Variants in CLIC5 observed in about 807,000 individuals in gnomAD.
CLIC5 encodes the protein CLIC family member 5.
CLIC5 carries 20 observed loss-of-function variants against 24.7 expected under a neutral mutation model. The observed-to-expected ratio is 0.81, with a 90% CI of 0.57 to 1.18. The LOEUF (loss-of-function observed/expected upper bound fraction) is 1.18, where lower values mean the gene tolerates loss of function less well. Ranked by LOEUF, CLIC5 falls within the 50% of genes most tolerant of loss-of-function variation. The pLI, the probability that CLIC5 is intolerant of heterozygous loss-of-function variation, is 0.00. For synonymous variants in CLIC5, 159 were observed against 135.6 expected (o/e 1.17, Z -1.20); for missense variants, 341 against 326.1 (o/e 1.05, Z -0.35).
chr6:46,027,208 G>T (rs1767358623), intron 1 of CLIC5, among the ~76,000 whole-genome samples: 1 of 152,210 alleles, frequency 6.6e-6, no homozygotes, highest in Non-Finnish European at 1.5e-5. Flanking sequence ...TCTGGGTAGA[G>T]AATCACAGTG....
intron 1 of CLIC5, among the ~76,000 whole-genome samples, chr6:45,963,846 A>T (rs1285713366): frequency 6.6e-6 from 1 of 152,180 alleles, no homozygotes; most frequent in Non-Finnish European, 1.5e-5. Flanking sequence ...AGGTTTTCTT[A>T]TAAGTCAGAC....
chr6:46,058,763 A>T (rs1036524985), intron 1 of CLIC5, among the ~76,000 whole-genome samples: 3 of 152,296 alleles, frequency 2.0e-5, no homozygotes, highest in African/African-American at 7.2e-5. Context: ...ACGGTGGAAG[A>T]AAAAAATCCC....
intron 1 of CLIC5, among the ~76,000 whole-genome samples, chr6:46,066,655 C>T (rs1397284180): frequency 6.6e-6 from 1 of 152,102 alleles, no homozygotes; most frequent in Non-Finnish European, 1.5e-5. Context: ...CTGGAAAGTG[C>T]TTTCCTTGTG....
upstream of CLIC5, among the ~76,000 whole-genome samples, chr6:46,084,857 C>A (rs1184618104): frequency 9.9e-5 from 15 of 152,204 alleles, no homozygotes; most frequent in Admixed American, 9.8e-4. Flanking sequence ...TGGATAATAT[C>A]CTGCAGAGTG....
the CLIC5 span, among the ~76,000 whole-genome samples, chr6:46,094,351 C>G: frequency 1.3e-5 from 2 of 152,300 alleles, no homozygotes; most frequent in East Asian, 3.9e-4. Context: ...CCAGCACTAA[C>G]TCAAAAGCCC....
intron 1 of CLIC5, among the ~76,000 whole-genome samples, chr6:45,966,164 A>G (rs906304033): frequency 3.9e-5 from 6 of 152,236 alleles, no homozygotes; most frequent in African/African-American, 1.2e-4. Flanking sequence ...TAACAAATTG[A>G]AAGCTTATGA....
chr6:45,963,826 T>G (rs1165990929), intron 1 of CLIC5, among the ~76,000 whole-genome samples: 1 of 152,208 alleles, frequency 6.6e-6, no homozygotes, highest in African/African-American at 2.4e-5. Context: ...TGCCAGTTAC[T>G]AGATACTTGA....
intron 1 of CLIC5, among the ~76,000 whole-genome samples, chr6:46,062,660 C>G (rs945497196): frequency 6.6e-6 from 1 of 152,196 alleles, no homozygotes. Context: ...GCTTCATGCA[C>G]AGGGAGAGTC....
rs145771436 is a variant in CLIC5 at position 46,007,525 on chromosome 6, G to C, written c.63+7955C>G. 1.2e-4 allele frequency among the ~76,000 whole-genome samples: 19 copies of C among 152,270 alleles called. No individual in the cohort carries two copies. The East Asian group carries it at 3.3e-3, about 26-fold the overall frequency. ...TTTTGGCCCTTGTTTGGACTCACTT[G>C]GCCTCCTGATGGGACCACTGGGATA... On this transcript the variant is annotated intron_variant, in intron 1 of 5. Coordinates refer to ENST00000339561, the MANE Select transcript of CLIC5 (RefSeq NM_016929.5).
chr6:45,974,138 C>A (rs56287981), intron 1 of CLIC5, among the ~76,000 whole-genome samples: 93 of 151,826 alleles, frequency 6.1e-4, no homozygotes, highest in Non-Finnish European at 9.4e-4. Flanking sequence ...TCGTATTGTA[C>A]GTGTGAGAGA....
chr6:45,958,649 A>C (rs1453389712), intron 1 of CLIC5, among the ~76,000 whole-genome samples: 2 of 151,606 alleles, frequency 1.3e-5, no homozygotes, highest in Non-Finnish European at 2.9e-5. Context: ...AGCATAATGT[A>C]ATTATATAGG....
chr6:45,943,864 T>C (rs1036746955), intron 3 of CLIC5, among the ~76,000 whole-genome samples: 2 of 152,230 alleles, frequency 1.3e-5, no homozygotes, highest in Admixed American at 6.5e-5. Context: ...GTGTTCCATT[T>C]GAGCTTTGTT....
chr6:46,087,648 C>A, the CLIC5 span, among the ~76,000 whole-genome samples: 1 of 152,158 alleles, frequency 6.6e-6, no homozygotes, highest in African/African-American at 2.4e-5. Context: ...TCCTCCTTGT[C>A]TGACCACTTT....
At chr6:45,944,549 CAAAAAAA>C (rs773971605) in intron 3 of CLIC5, among the ~76,000 whole-genome samples, 14 of 61,420 alleles carry the variant, frequency 2.3e-4, no homozygotes, top group Admixed American at 4.9e-4. Flanking sequence ...GGCTTCTCAC[CAAAAAAA>C]AAAAAAAAAA....
intron 4 of CLIC5, chr6:45,920,551 A>C (rs1006697116): frequency 1.9e-5 from 8 of 429,742 alleles, no homozygotes; most frequent in Non-Finnish European, 2.5e-5. Flanking sequence ...TGAAGAGAAA[A>C]TACAAAGATG....
At chr6:46,019,082 T>TAAAAAAAAAAAAAAAAAAA (rs59568209), upstream of CLIC5, among the ~76,000 whole-genome samples, 1 of 134,556 alleles carries the variant, frequency 7.4e-6, no homozygotes, top group Admixed American at 7.3e-5. Flanking sequence ...AAAAGTATAG[T>TAAAAAAAAAAAAAAAAAAA]AAAAAAAAAA....
At chr6:45,970,139 A>G (rs925155817) in intron 1 of CLIC5, among the ~76,000 whole-genome samples, 3 of 152,148 alleles carry the variant, frequency 2.0e-5, no homozygotes, top group Non-Finnish European at 4.4e-5. Flanking sequence ...CTTCTCTGCC[A>G]CTGTGCAACA....
intron 1 of CLIC5, among the ~76,000 whole-genome samples, chr6:45,967,082 G>T (rs1394557284): frequency 6.6e-6 from 1 of 152,210 alleles, no homozygotes; most frequent in Admixed American, 6.5e-5. Context: ...AGTCAGCCAT[G>T]GTGAAAAATG....
intron 2 of CLIC5, among the ~76,000 whole-genome samples, chr6:45,953,526 GGAA>G (rs1764538600): frequency 6.6e-6 from 1 of 152,116 alleles, no homozygotes; most frequent in South Asian, 2.1e-4. Flanking sequence ...GAGGCTCAAA[GGAA>G]GAAGAACAGC....
Sources: gnomAD v4.1 joint callset for allele counts (sites outside exome capture counted in the v4.1 genomes callset) on GRCh38, gnomAD v4.1.1 for gene constraint, MANE v1.5 for transcripts, NCBI Gene and HGNC (gene_info 2026-07-23, HGNC 2026-07-21) for gene names.